SLC75A1: variants seen among roughly 807,000 people sequenced by gnomAD.
SLC75A1 encodes the protein solute carrier family 75 member 1.
the SLC75A1 span, chr4:2,931,925 G>T: frequency 6.2e-7 from 1 of 1,609,292 alleles, no homozygotes; most frequent in East Asian, 2.2e-5. Flanking sequence ...AGGCGGCGCA[G>T]GCTGCTGAGC....
chr4:2,930,658 C>G, the SLC75A1 span: 1 of 639,286 alleles, frequency 1.6e-6, no homozygotes. Flanking sequence ...AGTGCTGCAG[C>G]TCGGAGTCAC....
At chr4:2,932,863 T>C in the SLC75A1 span, 1 of 1,408,612 alleles carries the variant, frequency 7.1e-7, no homozygotes, top group South Asian at 1.4e-5. Context: ...CCTGCCCTAT[T>C]TCGAAGCATC....
chr4:2,932,916 G>A, the SLC75A1 span: 3 of 1,097,660 alleles, frequency 2.7e-6, no homozygotes, highest in Non-Finnish European at 3.8e-6. Flanking sequence ...GGGGCCAGGA[G>A]CAGCTCCTTG....
chr4:2,933,466 G>C, the SLC75A1 span: 6 of 1,300,562 alleles, frequency 4.6e-6, no homozygotes, highest in Non-Finnish European at 6.6e-6. Context: ...CCCAGGGAGT[G>C]GGAAGGCAAG....
the SLC75A1 span, chr4:2,932,726 G>A: frequency 3.1e-6 from 5 of 1,590,694 alleles, no homozygotes; most frequent in African/African-American, 1.3e-5. Flanking sequence ...TCCGAGAGGT[G>A]GCCCAGACTG....
the SLC75A1 span, chr4:2,932,868 A>G: frequency 7.3e-7 from 1 of 1,378,194 alleles, no homozygotes; most frequent in East Asian, 2.5e-5. Flanking sequence ...CCTATTTCGA[A>G]GCATCTGAGG....
the SLC75A1 span, chr4:2,931,953 C>T: frequency 2.2e-4 from 359 of 1,603,632 alleles, no homozygotes; most frequent in East Asian, 7.6e-4. Context: ...AGAGGTGGCG[C>T]GTGCTGAGAA....
chr4:2,932,651 G>GGAGAGGCT, the SLC75A1 span: 1 of 1,612,752 alleles, frequency 6.2e-7, no homozygotes, highest in Non-Finnish European at 8.5e-7. Flanking sequence ...CGATGGCCGT[G>GGAGAGGCT]GAGAGGCTGA....
At chr4:2,932,741 T>C in the SLC75A1 span, 2 of 1,574,622 alleles carry the variant, frequency 1.3e-6, no homozygotes, top group South Asian at 1.2e-5. Flanking sequence ...AGACTGCATA[T>C]GAGGTGGCCA....
chr4:2,933,909 C>A, the SLC75A1 span: 1 of 1,565,284 alleles, frequency 6.4e-7, no homozygotes. Flanking sequence ...AGCCTCCACC[C>A]CCTCCCCATC....
At chr4:2,933,664 C>G in the SLC75A1 span, 1 of 1,613,502 alleles carries the variant, frequency 6.2e-7, no homozygotes, top group South Asian at 1.1e-5. Flanking sequence ...AGAGGGGGTC[C>G]TAGGGGATGA....
the SLC75A1 span, chr4:2,932,517 G>A: frequency 4.3e-6 from 7 of 1,613,612 alleles, no homozygotes; most frequent in Non-Finnish European, 5.9e-6. Context: ...GACCGCCTAG[G>A]GAAAAGACCA....
chr4:2,930,720 C>T, the SLC75A1 span: 25 of 1,174,584 alleles, frequency 2.1e-5, no homozygotes, highest in South Asian at 2.3e-4. Context: ...GCTTAGGGGC[C>T]GGCCCCCACC....
chr4:2,932,867 A>G, the SLC75A1 span: 1 of 1,391,674 alleles, frequency 7.2e-7, no homozygotes, highest in South Asian at 1.5e-5. Context: ...CCCTATTTCG[A>G]AGCATCTGAG....
the SLC75A1 span, chr4:2,932,252 C>G: frequency 6.5e-7 from 1 of 1,549,496 alleles, no homozygotes; most frequent in Non-Finnish European, 8.7e-7. Flanking sequence ...AGCGGCCCAG[C>G]CTCCCTGGCA....
chr4:2,931,026 C>A, the SLC75A1 span: 1 of 1,610,328 alleles, frequency 6.2e-7, no homozygotes, highest in South Asian at 1.1e-5. Context: ...GGTGCTTGGC[C>A]CCCAGCCTGC....
At chr4:2,931,204 T>G in the SLC75A1 span, 2 of 1,560,136 alleles carry the variant, frequency 1.3e-6, no homozygotes, top group Non-Finnish European at 1.7e-6. Flanking sequence ...TCAGGTGGCT[T>G]CGGCCGAGGG....
the SLC75A1 span, chr4:2,931,505 T>G: frequency 6.3e-7 from 1 of 1,593,638 alleles, no homozygotes; most frequent in Non-Finnish European, 8.5e-7. Flanking sequence ...GCCCGTGCCC[T>G]GCAGGACTCA....
At chr4:2,933,760 C>A in the SLC75A1 span, 1 of 1,599,442 alleles carries the variant, frequency 6.3e-7, no homozygotes, top group Admixed American at 1.8e-5. Context: ...CACGTGGGCA[C>A]GGCCGTGGCT....
Sources: gnomAD v4.1 joint callset for allele counts on GRCh38, gnomAD v4.1.1 for gene constraint, MANE v1.5 for transcripts, NCBI Gene and HGNC (gene_info 2026-07-23, HGNC 2026-07-21) for gene names.